The following MMP16 variants were observed in gnomAD, a reference collection of about 807,000 sequenced individuals.
The protein encoded by MMP16 is matrix metalloproteinase-16.
A neutral mutation model predicts 67.8 loss-of-function variants in MMP16; 12 were observed. That is an observed-to-expected ratio of 0.18 (90% CI 0.11 to 0.29). The LOEUF is 0.29. Among genes scored for constraint, MMP16 ranks in the 10% least tolerant of loss-of-function variants. MMP16 has a pLI of 1.00. For missense variants in MMP16, 475 were observed against 765.7 expected, an observed-to-expected ratio of 0.62 and a Z score of 4.48; for synonymous variants, 249 against 255.9, an observed-to-expected ratio of 0.97 and a Z score of 0.26.
intron 3 of MMP16, among the ~76,000 whole-genome samples, chr8:88,173,232 TGTAGAGACA>T (rs1808833302): frequency 6.6e-6 from 1 of 152,076 alleles, no homozygotes; most frequent in Non-Finnish European, 1.5e-5. Context: ...TTATACCTTT[TGTAGAGACA>T]GGGTTTTGCC....
In MMP16 at chr8:88,322,352, C is replaced by T. The variant is rs966025303; in HGVS notation, c.132+4723G>A. ...AACTAAACTGTCTAAGAAAAACCTACGGGAAGAAAATGTACTGATGTTAGC... is the reference window on the plus strand; with the variant it reads ...AACTAAACTGTCTAAGAAAAACCTATGGGAAGAAAATGTACTGATGTTAGC... On this transcript the variant is annotated intron_variant, in intron 1 of 9. Coordinates refer to ENST00000286614, the MANE Select transcript of MMP16 (RefSeq NM_005941.5). Among the ~76,000 whole-genome samples, 7 of 152,004 alleles carry T rather than the reference C, an allele frequency of 4.6e-5. No homozygotes were observed. In the South Asian group the frequency reaches 6.2e-4, roughly 13 times the overall value.
At chr8:88,215,028 A>G (rs981831130) in intron 1 of MMP16, among the ~76,000 whole-genome samples, 1 of 152,212 alleles carries the variant, frequency 6.6e-6, no homozygotes, top group Non-Finnish European at 1.5e-5. Flanking sequence ...TAGAAATTTA[A>G]ATTAAGAAGT....
intron 1 of MMP16, among the ~76,000 whole-genome samples, chr8:88,312,473 T>C (rs1019289344): frequency 6.6e-6 from 1 of 152,264 alleles, no homozygotes; most frequent in East Asian, 1.9e-4. Context: ...TGAGGTATGA[T>C]TGGTATACAA....
At chr8:88,265,787 C>G (rs1021028742) in intron 1 of MMP16, among the ~76,000 whole-genome samples, 1 of 152,106 alleles carries the variant, frequency 6.6e-6, no homozygotes, top group Non-Finnish European at 1.5e-5. Flanking sequence ...TGACAAATGA[C>G]TTTACATTTT....
intron 4 of MMP16, among the ~76,000 whole-genome samples, chr8:88,119,544 T>A (rs1369906897): frequency 2.6e-5 from 4 of 152,092 alleles, no homozygotes; most frequent in Non-Finnish European, 5.9e-5. Flanking sequence ...AGCTGCTGTT[T>A]ATCACTGAAA....
At chr8:88,202,581 T>C (rs766477418) in intron 1 of MMP16, among the ~76,000 whole-genome samples, 11 of 152,112 alleles carry the variant, frequency 7.2e-5, no homozygotes, top group Non-Finnish European at 1.5e-4. Flanking sequence ...TTTACTGTTT[T>C]TTTTTCTTCT....
chr8:88,116,714 T>G lies in MMP16; in HGVS notation c.876A>C (p.Pro292=), dbSNP rs764582757. Residue 292 remains proline, a synonymous_variant, in exon 6 of 10, where the codon CCA becomes CCC. Coordinates refer to ENST00000286614, the MANE Select transcript of MMP16 (RefSeq NM_005941.5). ...DLQGIQKIYG[P]PDKIPPPTRP... Reference sequence around the variant, plus strand: ...TTGTAGGTGGAGGAATCTTGTCAGGTGGACCTTTTGAAAATATGAGGACAG... The same window carrying G: ...TTGTAGGTGGAGGAATCTTGTCAGGGGGACCTTTTGAAAATATGAGGACAG... The G allele has an allele frequency of 4.3e-6, 7 of 1,613,198 alleles. No individual in the cohort carries two copies. The highest frequency in any genetic ancestry group is 1.7e-4 in the Middle Eastern group (1 of 5,912).
intron 1 of MMP16, among the ~76,000 whole-genome samples, chr8:88,280,622 C>T (rs1810718260): frequency 6.6e-6 from 1 of 152,120 alleles, no homozygotes; most frequent in Admixed American, 6.5e-5. Context: ...TCTGCCCAGG[C>T]ATGGATGCCT....
chr8:88,299,042 T>A (rs1811058526), intron 1 of MMP16, among the ~76,000 whole-genome samples: 1 of 151,586 alleles, frequency 6.6e-6, no homozygotes, highest in African/African-American at 2.4e-5. Context: ...GATCACACAG[T>A]GGGAAAAAAA....
intron 4 of MMP16, among the ~76,000 whole-genome samples, chr8:88,161,323 G>A (rs577560445): frequency 2.0e-5 from 3 of 152,272 alleles, no homozygotes; most frequent in African/African-American, 7.2e-5. Context: ...AGATTTTCTG[G>A]TTTATTTGCG....
intron 1 of MMP16, among the ~76,000 whole-genome samples, chr8:88,257,971 T>C (rs900062465): frequency 8.5e-5 from 13 of 152,108 alleles, no homozygotes; most frequent in African/African-American, 2.6e-4. Context: ...TGGTAAGGAA[T>C]AGTCATAACA....
chr8:88,168,874 ATTTT>A, intron 3 of MMP16, among the ~76,000 whole-genome samples: 1 of 149,938 alleles, frequency 6.7e-6, no homozygotes, highest in African/African-American at 2.4e-5. Flanking sequence ...AATATTTTTG[ATTTT>A]TTTTTTCTTT....
chr8:88,072,219 A>G (rs141542806), intron 7 of MMP16, among the ~76,000 whole-genome samples: 23 of 152,006 alleles, frequency 1.5e-4, no homozygotes, highest in African/African-American at 4.3e-4. Context: ...GTCAAGGAGA[A>G]ATATTTTGAT....
chr8:88,183,779 G>T (rs868818868), intron 3 of MMP16, among the ~76,000 whole-genome samples: 1 of 142,024 alleles, frequency 7.0e-6, no homozygotes, highest in Non-Finnish European at 1.5e-5. Flanking sequence ...GCAATGGCGC[G>T]ATCTCGGCTC....
intron 1 of MMP16, among the ~76,000 whole-genome samples, chr8:88,240,650 G>A (rs1020236287): frequency 3.3e-5 from 5 of 152,102 alleles, no homozygotes; most frequent in Admixed American, 6.6e-5. Flanking sequence ...AGGAGAAAAC[G>A]ACCAAGTCTA....
At chr8:88,048,336 C>A (rs1313322437) in intron 8 of MMP16, among the ~76,000 whole-genome samples, 1 of 152,152 alleles carries the variant, frequency 6.6e-6, no homozygotes, top group African/African-American at 2.4e-5. Flanking sequence ...TTTCACAGAA[C>A]CCCTAGACTT....
At chr8:88,158,736 T>A (rs575541264) in intron 4 of MMP16, among the ~76,000 whole-genome samples, 1 of 152,354 alleles carries the variant, frequency 6.6e-6, no homozygotes, top group Admixed American at 6.5e-5. Flanking sequence ...ATGAAGTCCT[T>A]GCCCATGCCT....
Position 88,166,688 on chromosome 8 carries a change from C to CATATATATAT in MMP16, c.709+971_709+980dup, listed in dbSNP as rs1166566212. ...ACAAAAGAGAAGGAGCAAAAAATTACATATATATATATATATATATATATA... is the reference window on the plus strand; with the variant it reads ...ACAAAAGAGAAGGAGCAAAAAATTACATATATATATATATATATATATATATATATATATA... On this transcript the variant is annotated intron_variant, in intron 4 of 9. Coordinates refer to ENST00000286614, the MANE Select transcript of MMP16 (RefSeq NM_005941.5). Among the ~76,000 whole-genome samples, 428 of 58,328 alleles carry CATATATATAT rather than the reference C, an allele frequency of 7.3e-3. 1 individual carries two copies. The highest frequency in any genetic ancestry group is 0.011 in the Non-Finnish European group (311 of 28,734). The allele number at this position is 58,328 out of a possible 152,430, so 38.3% of individuals were successfully genotyped here.
intron 1 of MMP16, among the ~76,000 whole-genome samples, chr8:88,211,950 G>A (rs1415501537): frequency 6.6e-6 from 1 of 152,036 alleles, no homozygotes; most frequent in Non-Finnish European, 1.5e-5. Flanking sequence ...TTCTCCTAAA[G>A]GCTTATATAC....
Sources: allele counts gnomAD v4.1 joint callset (sites outside exome capture counted in the v4.1 genomes callset), GRCh38; gene constraint gnomAD v4.1.1; transcripts MANE v1.5; gene names NCBI Gene and HGNC (gene_info 2026-07-23, HGNC 2026-07-21).